The following CREB5 variants were observed in gnomAD, a reference collection of about 807,000 sequenced individuals.
CREB5 encodes cyclic AMP-responsive element-binding protein 5.
Under a neutral mutation model 57.1 loss-of-function variants are expected in CREB5, and 19 were observed. That is an observed-to-expected ratio of 0.33 (90% CI 0.23 to 0.49). The LOEUF (loss-of-function observed/expected upper bound fraction) is 0.49, where lower values mean the gene tolerates loss of function less well. CREB5 is among the 20% of genes least tolerant of loss of function. CREB5 has a pLI of 0.99. For synonymous variants in CREB5, 238 were observed against 238.3 expected (o/e 1.00, Z 0.01); for missense variants, 579 against 671.6 (o/e 0.86, Z 1.52).
At chr7:28,661,238 C>T (rs558687437) in intron 5 of CREB5, among the ~76,000 whole-genome samples, 9 of 152,272 alleles carry the variant, frequency 5.9e-5, no homozygotes, top group Non-Finnish European at 1.2e-4. Flanking sequence ...CCTCCTTAAG[C>T]CCCATTCCTA....
chr7:28,667,920 A>T (rs1799887796), intron 5 of CREB5, among the ~76,000 whole-genome samples: 1 of 152,214 alleles, frequency 6.6e-6, no homozygotes, highest in African/African-American at 2.4e-5. Context: ...TTTGCCTTTA[A>T]AAAGGAGAAT....
intron 1 of CREB5, among the ~76,000 whole-genome samples, chr7:28,477,730 G>C (rs1381737497): frequency 1.3e-5 from 2 of 152,176 alleles, no homozygotes; most frequent in East Asian, 1.9e-4. Flanking sequence ...GGATTTGCAG[G>C]CTTTAGTGAG....
chr7:28,492,267 T>C (rs2128596834), intron 2 of CREB5, among the ~76,000 whole-genome samples: 1 of 152,360 alleles, frequency 6.6e-6, no homozygotes, highest in African/African-American at 2.4e-5. Context: ...CCCAAAGTGC[T>C]GGGATTACAG....
chr7:28,519,571 C>T (rs923266400), intron 4 of CREB5, among the ~76,000 whole-genome samples: 1 of 152,170 alleles, frequency 6.6e-6, no homozygotes, highest in Admixed American at 6.5e-5. Flanking sequence ...CGTGCCCTCC[C>T]ATAGACTTCC....
intron 7 of CREB5, among the ~76,000 whole-genome samples, chr7:28,744,669 G>A (rs1446720164): frequency 6.6e-6 from 1 of 152,042 alleles, no homozygotes. Context: ...CTCTTTAAAT[G>A]TCCTGTCTCC....
chr7:28,407,771 A>T (rs1368953650), upstream of CREB5, among the ~76,000 whole-genome samples: 1 of 152,160 alleles, frequency 6.6e-6, no homozygotes, highest in Non-Finnish European at 1.5e-5. Flanking sequence ...AAACAGAAAC[A>T]ACATGCTAAG....
intron 5 of CREB5, among the ~76,000 whole-genome samples, chr7:28,586,010 G>A (rs943346774): frequency 1.3e-5 from 2 of 152,122 alleles, no homozygotes; most frequent in African/African-American, 4.8e-5. Flanking sequence ...TTAGAACTTT[G>A]CATCTTTTTT....
At chr7:28,600,073 T>G (rs537055132) in intron 5 of CREB5, among the ~76,000 whole-genome samples, 24 of 152,054 alleles carry the variant, frequency 1.6e-4, no homozygotes, top group Non-Finnish European at 2.9e-4. Flanking sequence ...TTGTGGGGAT[T>G]CCTGCTTCCC....
chr7:28,589,339 G>A (rs1796411671), intron 5 of CREB5, among the ~76,000 whole-genome samples: 1 of 152,118 alleles, frequency 6.6e-6, no homozygotes, highest in South Asian at 2.1e-4. Flanking sequence ...TGGATCACAA[G>A]GTCAGGAGAT....
chr7:28,628,703 C>G (rs1433618131), intron 5 of CREB5, among the ~76,000 whole-genome samples: 1 of 152,108 alleles, frequency 6.6e-6, no homozygotes, highest in South Asian at 2.1e-4. Context: ...AGACAATATG[C>G]TGCATGTTAT....
intron 1 of CREB5, among the ~76,000 whole-genome samples, chr7:28,309,357 G>A (rs552881861): frequency 3.3e-5 from 5 of 152,260 alleles, no homozygotes; most frequent in African/African-American, 7.2e-5. Context: ...TAGAACACCC[G>A]CTCACAGAGC....
chr7:28,465,404 T>C (rs774408965), intron 1 of CREB5, among the ~76,000 whole-genome samples: 5 of 152,190 alleles, frequency 3.3e-5, no homozygotes, highest in Non-Finnish European at 7.4e-5. Flanking sequence ...ACCCATAGGA[T>C]CCAGAGCCTT....
At chr7:28,443,329 T>C (rs73297158) in intron 1 of CREB5, among the ~76,000 whole-genome samples, 2,612 of 152,290 alleles carry the variant, frequency 0.017, 87 homozygotes, top group African/African-American at 0.059. Flanking sequence ...TCTCTTTTAA[T>C]GTTGGGGGAA....
At chr7:28,324,108 C>T (rs1409483333) in intron 1 of CREB5, among the ~76,000 whole-genome samples, 4 of 152,156 alleles carry the variant, frequency 2.6e-5, no homozygotes, top group African/African-American at 2.4e-5. Context: ...TCACGCTGTG[C>T]GGTCCCCTAT....
chr7:28,388,859 A>G (rs930593575), intron 1 of CREB5, among the ~76,000 whole-genome samples: 4 of 152,240 alleles, frequency 2.6e-5, no homozygotes, highest in Non-Finnish European at 4.4e-5. Context: ...ACTTGCTAAA[A>G]TAAGATGAGA....
rs555693522 is a variant in CREB5 at position 28,570,480 on chromosome 7, C to A, written c.407C>A (p.Pro136Gln). 1.2e-6 allele frequency: 2 copies of A among 1,614,134 alleles called. No individual in the cohort carries two copies. The highest frequency in any genetic ancestry group is 4.5e-5 in the East Asian group (2 of 44,856). Residue 136 changes from proline to glutamine, a missense_variant, in exon 5 of 11, where the codon CCG becomes CAG. By Grantham distance (76) the Pro-to-Gln change is moderately conservative. Transcript: ENST00000357727. ...AACGTTGTGATTCAGCAAGCCATGC[C>A]GTCGCCTCAGTCCAGCTCTGTCATC... The part of the protein sequence containing the change: ...DTNVVIQQAM[P>Q]SPQSSSVITQ...
At chr7:28,749,971 CTTTTCTAGATA>C (rs1409853572) in intron 7 of CREB5, among the ~76,000 whole-genome samples, 1 of 151,770 alleles carries the variant, frequency 6.6e-6, no homozygotes, top group East Asian at 1.9e-4. Flanking sequence ...CTCACTATAT[CTTTTCTAGATA>C]TAATATTAGA....
intron 1 of CREB5, among the ~76,000 whole-genome samples, chr7:28,387,744 TCATGTAATAAACC>T (rs1212004790): frequency 1.3e-5 from 2 of 152,046 alleles, no homozygotes; most frequent in Non-Finnish European, 2.9e-5. Context: ...ACACATGGTG[TCATGTAATAAACC>T]CATGTAATAA....
At chr7:28,560,993 T>TGTGC (rs1562798322) in intron 4 of CREB5, among the ~76,000 whole-genome samples, 1 of 42,928 alleles carries the variant, frequency 2.3e-5, no homozygotes, top group Non-Finnish European at 5.9e-5. Flanking sequence ...TGCGTGTGTG[T>TGTGC]GCCTGCGTGT....
Sources: gnomAD v4.1 joint callset for allele counts (sites outside exome capture counted in the v4.1 genomes callset) on GRCh38, gnomAD v4.1.1 for gene constraint, MANE v1.5 for transcripts, NCBI Gene and HGNC (gene_info 2026-07-23, HGNC 2026-07-21) for gene names.